The following STK24 variants were observed in gnomAD, a reference collection of about 807,000 sequenced individuals.
The protein encoded by STK24 is serine/threonine-protein kinase 24.
Under a neutral mutation model 55.6 loss-of-function variants are expected in STK24, and 21 were observed. That is an observed-to-expected ratio of 0.38 (90% CI 0.27 to 0.54). The LOEUF (loss-of-function observed/expected upper bound fraction) is 0.54. Ranked by LOEUF, STK24 falls within the 20% of genes least tolerant of loss-of-function variation. The pLI, the probability that STK24 is intolerant of heterozygous loss-of-function variation, is 0.79. For synonymous variants in STK24, 200 were observed against 215.2 expected (o/e 0.93, Z 0.62); for missense variants, 383 against 538.4 (o/e 0.71, Z 2.86).
intron 1 of STK24, among the ~76,000 whole-genome samples, chr13:98,533,469 T>C (rs1896633137): frequency 6.6e-6 from 1 of 151,892 alleles, no homozygotes; most frequent in African/African-American, 2.4e-5. Flanking sequence ...AAAAAATACT[T>C]AAGATAGAAA....
chr13:98,483,188 C>T (rs1299001263), intron 2 of STK24, among the ~76,000 whole-genome samples: 2 of 152,256 alleles, frequency 1.3e-5, no homozygotes, highest in African/African-American at 4.8e-5. Context: ...CCGACTCCCA[C>T]TTCACGACCT....
At chr13:98,492,702 C>T (rs1895087217) in intron 2 of STK24, among the ~76,000 whole-genome samples, 1 of 152,180 alleles carries the variant, frequency 6.6e-6, no homozygotes, top group Non-Finnish European at 1.5e-5. Context: ...ATACCACCAT[C>T]TTATATTAGT....
intron 9 of STK24, among the ~76,000 whole-genome samples, chr13:98,458,768 A>G (rs1389530369): frequency 6.6e-6 from 1 of 152,202 alleles, no homozygotes; most frequent in African/African-American, 2.4e-5. Context: ...CACTGACTTC[A>G]GGGAGCAACC....
At chr13:98,487,351 CTAAGT>C (rs1474282501) in intron 2 of STK24, among the ~76,000 whole-genome samples, 2 of 152,118 alleles carry the variant, frequency 1.3e-5, no homozygotes, top group African/African-American at 4.8e-5. Context: ...CTCAAATAAC[CTAAGT>C]TATGAATGAC....
At chr13:98,475,166 C>T (rs1566355370) in intron 4 of STK24, 84 bp downstream of exon 4, 25 of 1,420,628 alleles carry the variant, frequency 1.8e-5, no homozygotes, top group Non-Finnish European at 2.4e-5. Context: ...AAATGGGCGC[C>T]AGCACCTTCC....
intron 2 of STK24, among the ~76,000 whole-genome samples, chr13:98,485,635 C>T (rs980482578): frequency 2.0e-5 from 3 of 152,230 alleles, no homozygotes; most frequent in African/African-American, 7.2e-5. Context: ...GGGCTGTTAC[C>T]GCCTTTGTTT....
chr13:98,561,543 C>G (rs1468250934), intron 1 of STK24, among the ~76,000 whole-genome samples: 1 of 136,644 alleles, frequency 7.3e-6, no homozygotes, highest in Non-Finnish European at 1.7e-5. Flanking sequence ...GATCACGTCA[C>G]TGTACTCCAG....
intron 10 of STK24, 89 bp downstream of exon 10, chr13:98,457,078 GC>G: frequency 6.8e-7 from 1 of 1,481,202 alleles, no homozygotes; most frequent in African/African-American, 1.4e-5. Context: ...GAACAGACAG[GC>G]CAAGAATCAA....
At chr13:98,523,164 G>C (rs573828647) in intron 1 of STK24, among the ~76,000 whole-genome samples, 1 of 152,126 alleles carries the variant, frequency 6.6e-6, no homozygotes, top group Non-Finnish European at 1.5e-5. Flanking sequence ...ACCACCACTC[G>C]GCACAGGCTG....
chr13:98,467,253 ATG>A (rs1893959483), intron 5 of STK24, among the ~76,000 whole-genome samples: 4 of 152,342 alleles, frequency 2.6e-5, no homozygotes, highest in Admixed American at 2.6e-4. Flanking sequence ...AGCTTTGTCC[ATG>A]TGTTCCCCGA....
chr13:98,520,577 A>G (rs1896223867), intron 1 of STK24, among the ~76,000 whole-genome samples: 4 of 152,226 alleles, frequency 2.6e-5, no homozygotes, highest in Admixed American at 2.6e-4. Context: ...GAAAGATGAC[A>G]CAGAAGAGGG....
intron 1 of STK24, among the ~76,000 whole-genome samples, chr13:98,543,523 T>A (rs1029137850): frequency 1.3e-5 from 2 of 152,084 alleles, no homozygotes; most frequent in Non-Finnish European, 2.9e-5. Flanking sequence ...CTGGTCTCCA[T>A]CAACAGCAGC....
At chr13:98,514,306 G>T (rs1193210007) in intron 2 of STK24, among the ~76,000 whole-genome samples, 1 of 152,206 alleles carries the variant, frequency 6.6e-6, no homozygotes, top group Non-Finnish European at 1.5e-5. Context: ...TTTCCCCAAG[G>T]ATAAAATGAC....
chr13:98,479,895 G>C lies in STK24; in HGVS notation c.330+2370C>G, dbSNP rs375317703. 2.9e-4 allele frequency among the ~76,000 whole-genome samples: 44 copies of C among 152,316 alleles called. No individual in the cohort carries two copies. In the South Asian group the frequency reaches 8.7e-3, roughly 30 times the overall value. On this transcript the variant is annotated intron_variant, in intron 3 of 10. Coordinates refer to ENST00000539966, the MANE Select transcript of STK24 (RefSeq NM_001032296.4). Reference sequence around the variant, plus strand: ...AAGATGGAGAAAGACAACAACATCAGAGGTTGGTAGAGGACACTGCGGGGT... The same window carrying C: ...AAGATGGAGAAAGACAACAACATCACAGGTTGGTAGAGGACACTGCGGGGT...
At chr13:98,463,010 A>G (rs113163160) in intron 7 of STK24, among the ~76,000 whole-genome samples, 5,390 of 152,102 alleles carry the variant, frequency 0.035, 322 homozygotes, top group African/African-American at 0.12. Context: ...AACTGGAATC[A>G]CCTAGAGACC....
chr13:98,455,283 G>A (rs1893400022), intron 10 of STK24: 1 of 152,158 alleles, frequency 6.6e-6, no homozygotes, highest in Non-Finnish European at 1.5e-5. Context: ...TTCTCACTCT[G>A]TTGCCCAGCC....
At chr13:98,535,473 A>G (rs1029544018) in intron 1 of STK24, among the ~76,000 whole-genome samples, 1 of 149,464 alleles carries the variant, frequency 6.7e-6, no homozygotes, top group Non-Finnish European at 1.5e-5. Context: ...GTTCCTTGGA[A>G]AGTGAAACTG....
At chr13:98,516,337 T>C (rs1896057028) in intron 2 of STK24, among the ~76,000 whole-genome samples, 1 of 152,214 alleles carries the variant, frequency 6.6e-6, no homozygotes, top group Admixed American at 6.5e-5. Context: ...ATCTGCTTAG[T>C]AAAATACAGA....
At chr13:98,512,134 C>T (rs1174471663) in intron 2 of STK24, among the ~76,000 whole-genome samples, 3 of 152,100 alleles carry the variant, frequency 2.0e-5, no homozygotes, top group Non-Finnish European at 4.4e-5. Flanking sequence ...GTGATCCAAT[C>T]GCCTCAGCCT....
Sources: gnomAD v4.1 joint callset for allele counts (sites outside exome capture counted in the v4.1 genomes callset) on GRCh38, gnomAD v4.1.1 for gene constraint, MANE v1.5 for transcripts, NCBI Gene and HGNC (gene_info 2026-07-23, HGNC 2026-07-21) for gene names.